Variants in DACH1 observed in about 807,000 individuals in gnomAD.
DACH1 encodes the protein dachshund family transcription factor 1, also known as dachshund homolog 1.
DACH1 carries 12 observed loss-of-function variants against 54.2 expected under a neutral mutation model. The observed-to-expected ratio is 0.22, with a 90% CI of 0.14 to 0.36. The LOEUF (loss-of-function observed/expected upper bound fraction) is 0.36. Ranked by LOEUF, DACH1 falls within the 10% of genes least tolerant of loss-of-function variation. DACH1 has a pLI of 1.00. For synonymous variants in DACH1, 386 were observed against 366.2 expected (o/e 1.05, Z -0.62); for missense variants, 805 against 929.8 (o/e 0.87, Z 1.75).
intron 1 of DACH1, among the ~76,000 whole-genome samples, chr13:71,832,715 C>T (rs576918324): frequency 1.3e-5 from 2 of 151,984 alleles, no homozygotes; most frequent in East Asian, 3.9e-4. Context: ...AAGACATCTT[C>T]TACTACTGGA....
chr13:71,670,794 T>C (rs573602384), intron 2 of DACH1, among the ~76,000 whole-genome samples: 4 of 152,206 alleles, frequency 2.6e-5, no homozygotes, highest in Admixed American at 6.5e-5. Context: ...AAGATGTTAC[T>C]ATAAATTGTG....
chr13:71,578,745 G>A lies in DACH1; in HGVS notation c.1127-5733C>T, dbSNP rs113208976. ...AGTTTAAAATGTTCCTGTTTTAAGT[G>A]TAGTGGTTTAGCAAAGAAAATGCCA... On this transcript the variant is annotated intron_variant, in intron 3 of 10. Coordinates refer to ENST00000613252, the MANE Select transcript of DACH1 (RefSeq NM_080759.6). Among the ~76,000 whole-genome samples the A allele has an allele frequency of 6.1e-3, 924 of 152,214 alleles. 11 individuals are homozygous for A. Among genetic ancestry groups the A allele is most frequent in the African/African-American group, 0.021 (878 of 41,554 alleles).
chr13:71,649,377 TTAAAA>T (rs1878516177), intron 2 of DACH1, among the ~76,000 whole-genome samples: 1 of 152,182 alleles, frequency 6.6e-6, no homozygotes, highest in African/African-American at 2.4e-5. Context: ...GTACCACATT[TTAAAA>T]TTGTGTAAAA....
intron 10 of DACH1, among the ~76,000 whole-genome samples, chr13:71,444,082 T>C (rs887528255): frequency 2.1e-4 from 32 of 152,136 alleles, no homozygotes; most frequent in African/African-American, 7.7e-4. Flanking sequence ...CAATTACTTA[T>C]TTAGTAAACA....
chr13:71,459,565 G>C (rs1202997217), intron 10 of DACH1, among the ~76,000 whole-genome samples: 1 of 151,852 alleles, frequency 6.6e-6, no homozygotes, highest in Non-Finnish European at 1.5e-5. Context: ...TGAAAGCATA[G>C]ACCTTCAGAT....
At chr13:71,572,481 G>A (rs942394391) in intron 4 of DACH1, among the ~76,000 whole-genome samples, 21 of 152,068 alleles carry the variant, frequency 1.4e-4, no homozygotes, top group Non-Finnish European at 2.8e-4. Context: ...AGGTGACAGA[G>A]CTAGGAAGTG....
intron 1 of DACH1, among the ~76,000 whole-genome samples, chr13:71,683,372 A>C (rs1881004677): frequency 6.6e-6 from 1 of 152,160 alleles, no homozygotes; most frequent in Non-Finnish European, 1.5e-5. Flanking sequence ...ACAATTCTGA[A>C]GAAGAATTAA....
intron 10 of DACH1, among the ~76,000 whole-genome samples, chr13:71,452,030 A>T (rs560384124): frequency 3.2e-4 from 48 of 152,336 alleles, no homozygotes; most frequent in African/African-American, 1.1e-3. Flanking sequence ...TGGAGGCAAA[A>T]TATTAATAAT....
chr13:71,542,865 T>C (rs909737448), intron 6 of DACH1, among the ~76,000 whole-genome samples: 1 of 152,148 alleles, frequency 6.6e-6, no homozygotes, highest in African/African-American at 2.4e-5. Flanking sequence ...AAAAGTAATA[T>C]TCAATTTAAA....
intron 1 of DACH1, among the ~76,000 whole-genome samples, chr13:71,739,320 C>G (rs897716792): frequency 6.6e-6 from 1 of 151,720 alleles, no homozygotes; most frequent in Non-Finnish European, 1.5e-5. Context: ...TTCGAGGCAC[C>G]AACAATATTT....
At chr13:71,819,252 C>A (rs1888093014) in intron 1 of DACH1, among the ~76,000 whole-genome samples, 1 of 152,218 alleles carries the variant, frequency 6.6e-6, no homozygotes, top group African/African-American at 2.4e-5. Context: ...TGACCTCACT[C>A]TCCCCTACTT....
At chr13:71,477,095 T>TAG (rs1877601039) in intron 8 of DACH1, among the ~76,000 whole-genome samples, 1 of 51,890 alleles carries the variant, frequency 1.9e-5, no homozygotes, top group South Asian at 6.5e-4. Context: ...TATATATATA[T>TAG]ATATATATAT....
chr13:71,842,946 C>A (rs1377414458), intron 1 of DACH1, among the ~76,000 whole-genome samples: 4 of 152,124 alleles, frequency 2.6e-5, no homozygotes, highest in Non-Finnish European at 4.4e-5. Flanking sequence ...TAAAGAGAAT[C>A]TTCATTTTCA....
intron 3 of DACH1, among the ~76,000 whole-genome samples, chr13:71,599,211 C>T (rs1420485399): frequency 5.3e-5 from 8 of 152,102 alleles, no homozygotes; most frequent in Non-Finnish European, 8.8e-5. Context: ...TGGGACTGCA[C>T]TATTCACATG....
chr13:71,816,646 G>GTA (rs1287627511), intron 1 of DACH1, among the ~76,000 whole-genome samples: 15 of 19,642 alleles, frequency 7.6e-4, no homozygotes, highest in African/African-American at 1.6e-3. Flanking sequence ...ACATATGTGT[G>GTA]TATATATATA....
At chr13:71,451,345 C>T (rs955325652) in intron 10 of DACH1, among the ~76,000 whole-genome samples, 3 of 152,124 alleles carry the variant, frequency 2.0e-5, no homozygotes, top group African/African-American at 7.2e-5. Flanking sequence ...GAAAGACTGG[C>T]TATAAATCTC....
At chr13:71,614,534 G>A (rs1875606462) in intron 3 of DACH1, among the ~76,000 whole-genome samples, 1 of 152,032 alleles carries the variant, frequency 6.6e-6, no homozygotes, top group Non-Finnish European at 1.5e-5. Context: ...TAAACATTAA[G>A]ACATCATTAA....
intron 3 of DACH1, among the ~76,000 whole-genome samples, chr13:71,621,099 A>T (rs1876202271): frequency 6.6e-6 from 1 of 151,962 alleles, no homozygotes; most frequent in South Asian, 2.1e-4. Context: ...TATTACATAT[A>T]TAATGTATAT....
chr13:71,524,752 C>A (rs1156969414), intron 6 of DACH1, among the ~76,000 whole-genome samples: 2 of 151,920 alleles, frequency 1.3e-5, no homozygotes, highest in Non-Finnish European at 2.9e-5. Context: ...CGGAGGATTG[C>A]AAAAGGCCCT....
Sources: allele counts gnomAD v4.1 joint callset (sites outside exome capture counted in the v4.1 genomes callset), GRCh38; gene constraint gnomAD v4.1.1; transcripts MANE v1.5; gene names NCBI Gene and HGNC (gene_info 2026-07-23, HGNC 2026-07-21).